Variants in SPINT1 observed in about 807,000 individuals in gnomAD.
The protein encoded by SPINT1 is kunitz-type protease inhibitor 1.
SPINT1 carries 38 observed loss-of-function variants against 53.7 expected under a neutral mutation model. The observed-to-expected ratio is 0.71, with a 90% CI of 0.55 to 0.93. The LOEUF (loss-of-function observed/expected upper bound fraction) is 0.93. SPINT1 is among the 40% of genes least tolerant of loss of function. The pLI, the probability that SPINT1 is intolerant of heterozygous loss-of-function variation, is 0.00. For synonymous variants in SPINT1, 283 were observed against 280.6 expected, an observed-to-expected ratio of 1.01 and a Z score of -0.08; for missense variants, 645 against 692.9, an observed-to-expected ratio of 0.93 and a Z score of 0.78.
chr15:40,853,413 T>G, intron 3 of SPINT1, 76 bp from the exon 4 acceptor site: 6 of 1,610,892 alleles, frequency 3.7e-6, no homozygotes, highest in Non-Finnish European at 5.1e-6. Flanking sequence ...GGGGTGTGGG[T>G]GTGTGTCTGG....
chr15:40,844,713 C>T lies in SPINT1; in HGVS notation c.159C>T (p.Ser53=). Reference sequence around the variant, plus strand: ...CCGCGGGAGCCGACTGCCTGAACAGCTTTACCGCCGGGGTGCCTGGCTTCG... The same window carrying T: ...CCGCGGGAGCCGACTGCCTGAACAGTTTTACCGCCGGGGTGCCTGGCTTCG... The part of the protein sequence containing the change: ...GLPAGADCLN[S]FTAGVPGFVL... Residue 53 remains serine, a synonymous_variant, in exon 2 of 11, where the codon AGC becomes AGT. Transcript: ENST00000562057. The surrounding 1 kb of genome is among the most constrained non-coding windows in gnomAD (Gnocchi z 5.8). The T allele has an allele frequency of 3.7e-6, 6 of 1,609,144 alleles. No homozygotes were observed. Among genetic ancestry groups the T allele is most frequent in the Non-Finnish European group, 5.1e-6 (6 of 1,177,400 alleles).
intron 2 of SPINT1, among the ~76,000 whole-genome samples, chr15:40,851,859 A>G (rs879418128): frequency 2.0e-5 from 3 of 152,108 alleles, no homozygotes; most frequent in Non-Finnish European, 4.4e-5. Context: ...CATCTCTACT[A>G]AAAATACAAA....
Position 40,853,616 on chromosome 15 carries a change from A to G in SPINT1, c.731A>G (p.Lys244Arg). The G allele has an allele frequency of 1.9e-6, 3 of 1,613,932 alleles. No homozygotes were observed. Among genetic ancestry groups the G allele is most frequent in the Admixed American group, 1.7e-5 (1 of 59,992 alleles). The part of the protein sequence containing the change: ...ANVTVTVLST[K>R]QTEDYCLASN... ...GTCACAGTCACTGTGCTGTCCACCAAGCAGACAGAAGGTGAGGGAGGGGTG... is the reference window on the plus strand; with the variant it reads ...GTCACAGTCACTGTGCTGTCCACCAGGCAGACAGAAGGTGAGGGAGGGGTG... The change falls in exon 4 of 11, where the codon AAG (lysine) becomes AGG (arginine). Residue 244 changes from lysine (K) to arginine (R), a missense_variant. Transcript: ENST00000562057.
Position 40,857,331 on chromosome 15 carries a change from C to G in SPINT1, c.*356C>G, listed in dbSNP as rs1478995915. 7.1e-6 allele frequency: 2 copies of G among 281,540 alleles called. No homozygotes were observed. Among genetic ancestry groups the G allele is most frequent in the Admixed American group, 4.9e-5 (1 of 20,214 alleles). 17.4% of individuals were successfully genotyped at this position (281,540 alleles called of 1,614,324 possible). On this transcript the variant is annotated 3_prime_UTR_variant, in exon 11 of 11. Transcript: ENST00000562057. ...GTGTCAGACCCTGGAGGCCCCAACCCTGTCCTCCCGAGCTCCTCTTCCATG... is the reference window on the plus strand; with the variant it reads ...GTGTCAGACCCTGGAGGCCCCAACCGTGTCCTCCCGAGCTCCTCTTCCATG...
chr15:40,854,167 C>A (rs576199545), intron 6 of SPINT1, 81 bp downstream of exon 6: 1 of 1,463,676 alleles, frequency 6.8e-7, no homozygotes. Context: ...AGCAGCCTGC[C>A]TTTGACCAAG....
chr15:40,849,251 A>G (rs556221443), intron 2 of SPINT1, among the ~76,000 whole-genome samples: 4 of 151,498 alleles, frequency 2.6e-5, no homozygotes, highest in Admixed American at 1.3e-4. Context: ...GTCTCAGGAA[A>G]AAAAAAAAAG....
intron 8 of SPINT1, 34 bp downstream of exon 8, chr15:40,854,723 A>G: frequency 6.2e-7 from 1 of 1,612,774 alleles, no homozygotes. Context: ...GGATCAGGGC[A>G]GACGCTGACA....
At position 40,844,158 on chromosome 15, in the gene SPINT1, A is replaced by G. The variant is rs1045776018; in HGVS notation, c.-94A>G. 1.6e-5 allele frequency: 7 copies of G among 430,792 alleles called. No individual in the cohort carries two copies. The highest frequency in any genetic ancestry group is 8.3e-5 in the South Asian group (5 of 60,464). The allele number at this position is 430,792 out of a possible 1,614,324, so 26.7% of individuals were successfully genotyped here. A position where few individuals can be genotyped will look rare whatever the true frequency, so the allele number is the denominator to read the frequency against. On this transcript the variant is annotated 5_prime_UTR_variant, in exon 1 of 11. Coordinates refer to ENST00000562057, the MANE Select transcript of SPINT1 (RefSeq NM_003710.4). This position sits in a 1 kb window ranked among gnomAD's most constrained non-coding sequence, Gnocchi z 5.8. ...GAAGCTGGGACCGGAACCTCGGCGG[A>G]CCCGGCCCCACCCAACTCACCTGCG...
intron 5 of SPINT1, 62 bp from the exon 6 acceptor site, chr15:40,853,998 A>G: frequency 1.4e-6 from 1 of 696,546 alleles, no homozygotes; most frequent in Non-Finnish European, 2.3e-6. Context: ...CACCCACCCC[A>G]ATTATCTCAT....
chr15:40,844,947 C>A lies in SPINT1; in HGVS notation c.393C>A (p.Phe131Leu). Residue 131 changes from phenylalanine (F) to leucine (L), a missense_variant, in exon 2 of 11, where the codon TTC (phenylalanine) becomes TTA (leucine). By Grantham distance (22) the Phe-to-Leu change is conservative. Coordinates refer to ENST00000562057, the MANE Select transcript of SPINT1 (RefSeq NM_003710.4). This position sits in a 1 kb window ranked among gnomAD's most constrained non-coding sequence, Gnocchi z 5.8. Reference protein sequence around the residue: ...CLYEQNFVCKFAPREGFINYL... With the variant: ...CLYEQNFVCKLAPREGFINYL... ...ACGAGCAGAACTTCGTGTGCAAGTT[C>A]GCGCCCAGGGAGGGCTTCATCAACT... is the stretch of plus-strand genomic sequence containing the variant. The A allele has an allele frequency of 6.2e-7, 1 of 1,613,986 alleles. No homozygotes were observed. Among genetic ancestry groups the A allele is most frequent in the Non-Finnish European group, 8.5e-7 (1 of 1,180,044 alleles).
chr15:40,855,936 A>C lies in SPINT1; in HGVS notation c.1162A>C (p.Ile388Leu). 6.2e-7 allele frequency: 1 copy of C among 1,614,226 alleles called. No individual in the cohort carries two copies. Among genetic ancestry groups the C allele is most frequent in the Non-Finnish European group, 8.5e-7 (1 of 1,180,028 alleles). ...AGACACAGGACTCTGCAAGGAGAGC[A>C]TCCCGCGCTGGTACTACAACCCCTT... ...LPDTGLCKES[I>L]PRWYYNPFSE... Residue 388 changes from isoleucine to leucine, a missense_variant, in exon 9 of 11, where the codon ATC (isoleucine) becomes CTC (leucine). Ile to Leu is a conservative substitution (Grantham distance 5). Coordinates refer to ENST00000562057, the MANE Select transcript of SPINT1 (RefSeq NM_003710.4).
At position 40,854,685 on chromosome 15, in the gene SPINT1, CA is replaced by C. The variant is rs1566857529; in HGVS notation, c.1116del (p.His374ThrfsTer63). The part of the protein sequence containing the change: ...ELQRIHFPSD[K>X]GHCVDLPDTG... ...TCCAGCGCATCCATTTCCCCAGTGACAAAGGTGAGATCCTCCCCAGGTGCCC... is the reference window on the plus strand; with the variant it reads ...TCCAGCGCATCCATTTCCCCAGTGACAAGGTGAGATCCTCCCCAGGTGCCC... On this transcript the variant is annotated frameshift_variant, in exon 8 of 11. Coordinates refer to ENST00000562057, the MANE Select transcript of SPINT1 (RefSeq NM_003710.4). LOFTEE classifies it high-confidence loss of function. 6.2e-7 allele frequency: 1 copy of C among 1,614,108 alleles called. No individual in the cohort carries two copies. The highest frequency in any genetic ancestry group is 8.5e-7 in the Non-Finnish European group (1 of 1,180,028).
chr15:40,847,224 G>C (rs1891322444), intron 2 of SPINT1, among the ~76,000 whole-genome samples: 1 of 152,196 alleles, frequency 6.6e-6, no homozygotes. Flanking sequence ...CATTCTTAGA[G>C]TGCTGCAGTG....
Position 40,857,026 on chromosome 15 carries a change from A to G in SPINT1, c.*51A>G, listed in dbSNP as rs1181313652. 5 of 1,602,326 alleles carry G rather than the reference A, an allele frequency of 3.1e-6. No homozygotes were observed. The Admixed American group carries it at 5.0e-5, about 16-fold the overall frequency. ...GGCCCTGCTTCCTGCTTGCCAAGGC[A>G]GAGGCCTGGGCTGGGAAAAACTTTG... On this transcript the variant is annotated 3_prime_UTR_variant, in exon 11 of 11. Coordinates refer to ENST00000562057, the MANE Select transcript of SPINT1 (RefSeq NM_003710.4).
rs777048289 is a variant in SPINT1 at position 40,845,039 on chromosome 15, G to A, written c.475+10G>A. 3 of 1,592,038 alleles carry A rather than the reference G, an allele frequency of 1.9e-6. No homozygotes were observed. Among genetic ancestry groups the A allele is most frequent in the East Asian group, 2.2e-5 (1 of 44,694 alleles). On this transcript the variant is annotated intron_variant, in intron 2 of 10. Transcript: ENST00000562057. ...ACCCAGGGCTTTGGAGGTGAGGAGG[G>A]TGCCAAGATGGATGGGTTTGGAGAG... is the stretch of plus-strand genomic sequence containing the variant.
At chr15:40,855,861 C>T (rs755772967) in intron 8 of SPINT1, 31 bp from the exon 9 acceptor site, 8 of 1,587,932 alleles carry the variant, frequency 5.0e-6, no homozygotes, top group African/African-American at 2.7e-5. Flanking sequence ...GCCATGGACT[C>T]GCTCACCATA....
In SPINT1 at chr15:40,854,429, C is replaced by T. The variant is rs201483554; in HGVS notation, c.973C>T (p.Arg325Cys). Residue 325 changes from arginine to cysteine, a missense_variant, in exon 7 of 11, where the codon CGC becomes TGC. Arg to Cys is a radical substitution (Grantham distance 180). Transcript: ENST00000562057. ...TGGCACCTGTCAGCCCACCCAGTTCCGCTGCAGCAATGGCTGCTGCATCGA... is the reference window on the plus strand; with the variant it reads ...TGGCACCTGTCAGCCCACCCAGTTCTGCTGCAGCAATGGCTGCTGCATCGA... The part of the protein sequence containing the change: ...CSGTCQPTQF[R>C]CSNGCCIDSF... 5.5e-5 allele frequency: 89 copies of T among 1,611,056 alleles called. No homozygotes were observed. The highest frequency in any genetic ancestry group is 2.0e-4 in the African/African-American group (15 of 74,852).
Position 40,854,424 on chromosome 15 carries a change from A to T in SPINT1, c.968A>T (p.Gln323Leu), listed in dbSNP as rs1036238841. 16 of 1,610,004 alleles carry T rather than the reference A, an allele frequency of 9.9e-6. No homozygotes were observed. The East Asian group carries it at 3.6e-4, about 36-fold the overall frequency. The change falls in exon 7 of 11, where the codon CAG (glutamine) becomes CTG (leucine). Residue 323 changes from glutamine to leucine, a missense_variant. By Grantham distance (113) the Gln-to-Leu change is moderately radical (BLOSUM62 -2). Coordinates refer to ENST00000562057, the MANE Select transcript of SPINT1 (RefSeq NM_003710.4). ...PVCSGTCQPT[Q>L]FRCSNGCCID... ...TGCTCTGGCACCTGTCAGCCCACCC[A>T]GTTCCGCTGCAGCAATGGCTGCTGC...
At position 40,853,990 on chromosome 15, in the gene SPINT1, C is replaced by A. The variant is rs1891548637; in HGVS notation, c.914-70C>A. ...GGTGGTGGGAGCTCTCCCTTGCCCA[C>A]CCACCCCAATTATCTCATCCCCACT... On this transcript the variant is annotated intron_variant, in intron 5 of 10. Coordinates refer to ENST00000562057, the MANE Select transcript of SPINT1 (RefSeq NM_003710.4). The A allele has an allele frequency of 1.9e-6, 3 of 1,591,556 alleles. No individual in the cohort carries two copies. In the Admixed American group the frequency reaches 5.1e-5, roughly 27 times the overall value.
Sources: gnomAD v4.1 joint callset for allele counts (sites outside exome capture counted in the v4.1 genomes callset) on GRCh38, gnomAD v4.1.1 for gene constraint, Gnocchi (gnomAD v3.1) non-coding constraint, MANE v1.5 for transcripts, NCBI Gene and HGNC (gene_info 2026-07-23, HGNC 2026-07-21) for gene names.